The following FCGR2A variants were observed in gnomAD, a reference collection of about 807,000 sequenced individuals.
FCGR2A encodes low affinity immunoglobulin gamma Fc region receptor II-a.
In FCGR2A, 18 loss-of-function variants were observed where a neutral mutation model predicts 29.3. The observed-to-expected ratio is 0.62, with a 90% confidence interval of 0.43 to 0.91. The LOEUF (loss-of-function observed/expected upper bound fraction) is 0.91. Ranked by LOEUF, FCGR2A falls within the 40% of genes least tolerant of loss-of-function variation. The probability of loss-of-function intolerance (pLI) is 0.00; values close to 1 mark genes in which losing one functional copy is unlikely to be tolerated. For synonymous variants in FCGR2A, 126 were observed against 144.8 expected, an observed-to-expected ratio of 0.87 and a Z score of 0.93; for missense variants, 287 against 393.0, an observed-to-expected ratio of 0.73 and a Z score of 2.28.
In FCGR2A at chr1:161,513,863, G is replaced by A. The variant is rs767143639; in HGVS notation, c.743-32G>A. 3.1e-6 allele frequency: 5 copies of A among 1,614,228 alleles called. No homozygotes were observed. The South Asian group carries it at 4.4e-5, about 14-fold the overall frequency. ...TGGGCAGGCCCTTTTCAACAGCAGTGCCCTGGCTAATCTTTTTCTTTTTCC... is the reference window on the plus strand; with the variant it reads ...TGGGCAGGCCCTTTTCAACAGCAGTACCCTGGCTAATCTTTTTCTTTTTCC... On this transcript the variant is annotated intron_variant, in intron 5 of 6. Coordinates refer to ENST00000271450, the MANE Select transcript of FCGR2A (RefSeq NM_001136219.3).
rs1472170770 is a variant in FCGR2A at position 161,518,660 on chromosome 1, G to C, written c.*512G>C. 1 of 166,850 alleles carries C rather than the reference G, an allele frequency of 6.0e-6. No homozygotes were observed. Among genetic ancestry groups the C allele is most frequent in the Non-Finnish European group, 1.3e-5 (1 of 76,906 alleles). The allele number at this position is 166,850 out of a possible 1,614,324, so 10.3% of individuals were successfully genotyped here. On this transcript the variant is annotated 3_prime_UTR_variant, in exon 7 of 7. Coordinates refer to ENST00000271450, the MANE Select transcript of FCGR2A (RefSeq NM_001136219.3). ...GAGTCTCAATCTGTTACCCAGGCTGGAGTGCAGTGGTGCTATCTTGGCTCA... is the reference window on the plus strand; with the variant it reads ...GAGTCTCAATCTGTTACCCAGGCTGCAGTGCAGTGGTGCTATCTTGGCTCA...
At chr1:161,522,266 A>G (rs953017434), downstream of FCGR2A, among the ~76,000 whole-genome samples, 1 of 152,088 alleles carries the variant, frequency 6.6e-6, no homozygotes, top group African/African-American at 2.4e-5. Flanking sequence ...TTTAGAAAAA[A>G]CAAACAAACA....
downstream of FCGR2A, chr1:161,523,057 C>A (rs1413847350): frequency 6.6e-6 from 1 of 152,158 alleles, no homozygotes; most frequent in Non-Finnish European, 1.5e-5. Context: ...TAAATAGAAG[C>A]CAACTTTTAA....
intron 5 of FCGR2A, chr1:161,513,572 C>T (rs1395173618): frequency 3.9e-6 from 2 of 509,124 alleles, no homozygotes; most frequent in Non-Finnish European, 7.0e-6. Context: ...GCTGAACACC[C>T]TGCTCCACGT....
intron 2 of FCGR2A, 45 bp from the exon 3 acceptor site, chr1:161,506,289 C>T (rs761805194): frequency 5.0e-6 from 8 of 1,610,090 alleles, no homozygotes; most frequent in Non-Finnish European, 6.8e-6. Flanking sequence ...TCCACAGTCC[C>T]TTCAGGGTTA....
At position 161,512,476 on chromosome 1, in the gene FCGR2A, T is replaced by C. The variant is rs562142664; in HGVS notation, c.743-1419T>C. Among the ~76,000 whole-genome samples the C allele has an allele frequency of 1.7e-3, 256 of 149,164 alleles. 1 individual carries two copies. The highest frequency in any genetic ancestry group is 0.01 in the Middle Eastern group (3 of 294). On this transcript the variant is annotated intron_variant, in intron 5 of 6. Coordinates refer to ENST00000271450, the MANE Select transcript of FCGR2A (RefSeq NM_001136219.3). ...CACAGTGGAGCCCTGAGCAAGTCAGTCTCCCTGATGGGGTTCAGTCTCCTC... is the reference window on the plus strand; with the variant it reads ...CACAGTGGAGCCCTGAGCAAGTCAGCCTCCCTGATGGGGTTCAGTCTCCTC...
intron 4 of FCGR2A, among the ~76,000 whole-genome samples, chr1:161,510,614 C>A (rs1472702454): frequency 6.6e-6 from 1 of 152,136 alleles, no homozygotes; most frequent in Non-Finnish European, 1.5e-5. Flanking sequence ...GGTGGAGAAA[C>A]CTGGGTAGGG....
chr1:161,523,773 C>T (rs1676547382), downstream of FCGR2A: 1 of 152,090 alleles, frequency 6.6e-6, no homozygotes, highest in Non-Finnish European at 1.5e-5. Flanking sequence ...CTTCAGCCAC[C>T]TGGTTTAATT....
intron 4 of FCGR2A, 75 bp from the exon 5 acceptor site, chr1:161,510,759 G>T (rs1456277518): frequency 6.4e-7 from 1 of 1,572,840 alleles, no homozygotes; most frequent in East Asian, 2.2e-5. Context: ...GAGGTGGGAG[G>T]TGGGACAGGG....
intron 2 of FCGR2A, 82 bp downstream of exon 2, chr1:161,506,089 G>GAA: frequency 7.0e-7 from 1 of 1,433,232 alleles, no homozygotes; most frequent in African/African-American, 1.4e-5. Context: ...CGGCGGGGGG[G>GAA]TATGTCTATT....
Position 161,510,085 on chromosome 1 carries a change from T to G in FCGR2A, c.619+11T>G. 6.2e-7 allele frequency: 1 copy of G among 1,612,778 alleles called. No homozygotes were observed. On this transcript the variant is annotated intron_variant, in intron 4 of 6. Coordinates refer to ENST00000271450, the MANE Select transcript of FCGR2A (RefSeq NM_001136219.3). ...CCATCACTGTCCAAGGTATGGGGAG[T>G]CTGCCAAGATGTAGGGAGGGGAGAA...
At chr1:161,512,242 C>T (rs1386347024) in intron 5 of FCGR2A, among the ~76,000 whole-genome samples, 3 of 147,026 alleles carry the variant, frequency 2.0e-5, no homozygotes, top group Non-Finnish European at 3.0e-5. Flanking sequence ...GCCTGGAAAC[C>T]CCTCAATTTG....
intron 3 of FCGR2A, among the ~76,000 whole-genome samples, chr1:161,508,828 A>G (rs1170620873): frequency 2.6e-5 from 4 of 152,212 alleles, no homozygotes; most frequent in Non-Finnish European, 5.9e-5. Flanking sequence ...AAAAGGAAAA[A>G]GTGATTTTAA....
At chr1:161,510,999 T>C in intron 5 of FCGR2A, 43 bp downstream of exon 5, 1 of 1,613,868 alleles carries the variant, frequency 6.2e-7, no homozygotes, top group Non-Finnish European at 8.5e-7. Context: ...AGTTTCCATT[T>C]GGCCCAGGGC....
chr1:161,510,738 A>T, intron 4 of FCGR2A, 96 bp from the exon 5 acceptor site: 1 of 1,489,302 alleles, frequency 6.7e-7, no homozygotes, highest in South Asian at 1.2e-5. Flanking sequence ...AAGCACTGGG[A>T]CATAGCATTG....
At chr1:161,506,921 A>G (rs1055473611) in intron 3 of FCGR2A, among the ~76,000 whole-genome samples, 1 of 152,192 alleles carries the variant, frequency 6.6e-6, no homozygotes, top group Non-Finnish European at 1.5e-5. Context: ...TCCTGTGGCA[A>G]TGCGGTAAAG....
rs962387308 is a variant in FCGR2A, at chr1:161,512,618, T to C, written c.743-1277T>C. ...TGCCAGGCAACTTCCAGACTGTAGT[T>C]AAAGTCAGAGCATAAAGGAAACCAG... On this transcript the variant is annotated intron_variant, in intron 5 of 6. Transcript: ENST00000271450. 2.7e-5 allele frequency among the ~76,000 whole-genome samples: 4 copies of C among 150,284 alleles called. 1 individual carries two copies. Among genetic ancestry groups the C allele is most frequent in the African/African-American group, 9.7e-5 (4 of 41,338 alleles).
At chr1:161,505,721 C>T (rs1675343181) in intron 1 of FCGR2A, 169 bp downstream of exon 1, 1 of 719,566 alleles carries the variant, frequency 1.4e-6, no homozygotes. Context: ...AAGGTCAGAA[C>T]TCAGAGGTAG....
chr1:161,507,370 T>C (rs1173123458), intron 3 of FCGR2A, among the ~76,000 whole-genome samples: 1 of 152,206 alleles, frequency 6.6e-6, no homozygotes, highest in Non-Finnish European at 1.5e-5. Flanking sequence ...TGATCTTCCC[T>C]CCTCAGGCTC....
Sources: gnomAD v4.1 joint callset for allele counts (sites outside exome capture counted in the v4.1 genomes callset) on GRCh38, gnomAD v4.1.1 for gene constraint, MANE v1.5 for transcripts, NCBI Gene and HGNC (gene_info 2026-07-23, HGNC 2026-07-21) for gene names.